Variants in SLC25A45 observed in about 807,000 individuals in gnomAD.
SLC25A45 encodes the protein methylated amino-acid transporter SLC25A45.
SLC25A45 carries 22 observed loss-of-function variants against 23.0 expected under a neutral mutation model. The observed-to-expected ratio is 0.95, with a 90% CI of 0.68 to 1.36. SLC25A45 has a LOEUF of 1.36. Among genes scored for constraint, SLC25A45 ranks in the 40% most tolerant of loss-of-function variants. The pLI, the probability that SLC25A45 is intolerant of heterozygous loss-of-function variation, is 0.00. For missense variants in SLC25A45, 355 were observed against 383.5 expected (o/e 0.93, Z 0.62); for synonymous variants, 136 against 155.0 (o/e 0.88, Z 0.91).
rs1855208285 is a variant in SLC25A45 at position 65,376,688 on chromosome 11, G to C, written c.599-13C>G. On this transcript the variant is annotated splice_polypyrimidine_tract_variant and intron_variant, in intron 6 of 6. Transcript: ENST00000398802. ...ACCGTGGCTGAGCCTGGGGCAGAGAGAGCCCAGAGCAGGGGTCAGACCCAG... is the reference window on the plus strand; with the variant it reads ...ACCGTGGCTGAGCCTGGGGCAGAGACAGCCCAGAGCAGGGGTCAGACCCAG... 3 of 1,613,846 alleles carry C rather than the reference G, an allele frequency of 1.9e-6. No individual in the cohort carries two copies. Among genetic ancestry groups the C allele is most frequent in the Non-Finnish European group, 8.5e-7 (1 of 1,180,000 alleles).
At chr11:65,381,756 C>T (rs1189234403) in intron 2 of SLC25A45, 159 bp downstream of exon 2, 4 of 830,464 alleles carry the variant, frequency 4.8e-6, no homozygotes, top group East Asian at 5.0e-5. Context: ...AGGGGCCTCC[C>T]TATGTTGCCC....
At position 65,380,298 on chromosome 11, in the gene SLC25A45, G is replaced by A. The variant is rs1219487344; in HGVS notation, c.38-123C>T. 6 of 1,400,320 alleles carry A rather than the reference G, an allele frequency of 4.3e-6. No individual in the cohort carries two copies. In the African/African-American group the frequency reaches 5.7e-5, roughly 13 times the overall value. 86.7% of individuals were successfully genotyped at this position (1,400,320 alleles called of 1,614,324 possible). On this transcript the variant is annotated intron_variant, in intron 2 of 6. Transcript: ENST00000398802. ...GAGAGCAGGGCCATCTCAGACACATGCAGCCACCTTCCTGCCAAGCTCTAG... is the reference window on the plus strand; with the variant it reads ...GAGAGCAGGGCCATCTCAGACACATACAGCCACCTTCCTGCCAAGCTCTAG...
rs895541516 is a variant in SLC25A45 at position 65,382,360 on chromosome 11, A to G, written c.-19+126T>C. 5 of 223,330 alleles carry G rather than the reference A, an allele frequency of 2.2e-5. No homozygotes were observed. The highest frequency in any genetic ancestry group is 4.6e-5 in the Non-Finnish European group (5 of 107,598). The allele number at this position is 223,330 out of a possible 1,614,324, so 13.8% of individuals were successfully genotyped here. Reference sequence around the variant, plus strand: ...CTCCCATTCATCTCCACCAAGGGGCATGGCCGCCCCCATGCCACAGAGAGA... The same window carrying G: ...CTCCCATTCATCTCCACCAAGGGGCGTGGCCGCCCCCATGCCACAGAGAGA... On this transcript the variant is annotated intron_variant, in intron 1 of 6. Transcript: ENST00000398802. The surrounding 1 kb of genome is among the most constrained non-coding windows in gnomAD (Gnocchi z 4.4).
At position 65,376,511 on chromosome 11, in the gene SLC25A45, G is replaced by A; in HGVS notation, c.763C>T (p.Leu255=). The change falls in exon 7 of 7, where the codon CTG becomes TTG. Residue 255 remains leucine (L), a synonymous_variant. Coordinates refer to ENST00000398802, the MANE Select transcript of SLC25A45 (RefSeq NM_182556.4). ...GTGACCCCCCGGAAGAAGACTCCCA[G>A]TCCTTCCTGCCGGATGCTGCTCACC... ...CMVSSIRQEG[L]GVFFRGVTIN... The A allele has an allele frequency of 6.2e-7, 1 of 1,614,212 alleles. No homozygotes were observed. The highest frequency in any genetic ancestry group is 8.5e-7 in the Non-Finnish European group (1 of 1,180,036).
At chr11:65,380,107 CCT>C (rs760933713) in intron 3 of SLC25A45, 23 bp downstream of exon 3, 2 of 1,609,642 alleles carry the variant, frequency 1.2e-6, no homozygotes, top group South Asian at 2.2e-5. Flanking sequence ...ATCTTTCATT[CCT>C]CTGGCAGCTC....
At chr11:65,383,304 A>G (rs1165237215), upstream of SLC25A45, 1 of 152,486 alleles carries the variant, frequency 6.6e-6, no homozygotes, top group Non-Finnish European at 1.5e-5. Context: ...GATTCGGGAA[A>G]CAGGACCTCC....
intron 5 of SLC25A45, 187 bp from the exon 6 acceptor site, chr11:65,377,263 A>C (rs931479450): frequency 1.4e-6 from 2 of 1,421,712 alleles, no homozygotes; most frequent in Admixed American, 3.0e-5. Context: ...CGACCGGGAC[A>C]GGCCACCTCC....
chr11:65,377,208 C>A, intron 5 of SLC25A45, 132 bp from the exon 6 acceptor site: 1 of 1,446,044 alleles, frequency 6.9e-7, no homozygotes, highest in Non-Finnish European at 9.1e-7. Flanking sequence ...CGGCACCCAG[C>A]CTCTCACGTG....
chr11:65,381,805 G>A (rs1855574269), intron 2 of SLC25A45, 110 bp downstream of exon 2: 3 of 1,387,406 alleles, frequency 2.2e-6, no homozygotes, highest in Non-Finnish European at 1.0e-6. Context: ...TGATCCTCCC[G>A]CCAGGCCGGA....
intron 2 of SLC25A45, chr11:65,380,589 AGAG>A: frequency 7.7e-7 from 1 of 1,296,428 alleles, no homozygotes; most frequent in Non-Finnish European, 1.0e-6. Context: ...GCCGGGATCC[AGAG>A]CAGGCCCTGC....
At chr11:65,380,415 G>T in intron 2 of SLC25A45, 3 of 940,698 alleles carry the variant, frequency 3.2e-6, no homozygotes, top group Non-Finnish European at 4.7e-6. Flanking sequence ...CCCACCTGAG[G>T]ATGCACACCC....
intron 3 of SLC25A45, 87 bp from the exon 4 acceptor site, chr11:65,380,025 A>C: frequency 6.3e-7 from 1 of 1,587,816 alleles, no homozygotes; most frequent in Non-Finnish European, 8.6e-7. Context: ...GATGCCAACC[A>C]GCAGGAGAGG....
intron 4 of SLC25A45, 58 bp from the exon 5 acceptor site, chr11:65,379,619 T>C: frequency 6.6e-7 from 1 of 1,514,622 alleles, no homozygotes; most frequent in South Asian, 1.3e-5. Context: ...CTTTGTCCTC[T>C]CCACCCCTGG....
intron 2 of SLC25A45, chr11:65,380,522 C>A: frequency 7.2e-7 from 1 of 1,385,810 alleles, no homozygotes; most frequent in Non-Finnish European, 9.5e-7. Context: ...GGAGAATCAC[C>A]CAGGTTCCCA....
chr11:65,380,481 T>G, intron 2 of SLC25A45: 127 of 1,255,962 alleles, frequency 1.0e-4, no homozygotes, highest in East Asian at 4.0e-4. Flanking sequence ...CATACCCGGG[T>G]ATCCCACCGC....
upstream of SLC25A45, chr11:65,383,484 G>C (rs1195075683): frequency 6.6e-6 from 1 of 152,424 alleles, no homozygotes; most frequent in East Asian, 1.9e-4. Context: ...CAGGCCAGGC[G>C]CAGTGGCTCA....
chr11:65,376,205 T>C lies in SLC25A45; in HGVS notation c.*202A>G, dbSNP rs1855158682. The C allele has an allele frequency of 3.2e-6, 2 of 623,912 alleles. No homozygotes were observed. The highest frequency in any genetic ancestry group is 2.8e-5 in the East Asian group (1 of 35,334). 38.6% of individuals were successfully genotyped at this position (623,912 alleles called of 1,614,324 possible). A position where few individuals can be genotyped will look rare whatever the true frequency, so the allele number is the denominator to read the frequency against. On this transcript the variant is annotated 3_prime_UTR_variant, in exon 7 of 7. Transcript: ENST00000398802. ...GGGAGGCAAAGGAGTCAAGGCCAGC[T>C]ACACAGGGAGGCTGCACAGGCCCCC...
chr11:65,377,431 G>A (rs992239677), intron 5 of SLC25A45: 81 of 1,088,670 alleles, frequency 7.4e-5, no homozygotes, highest in Non-Finnish European at 8.8e-5. Flanking sequence ...TACCTGTACG[G>A]TGGGCAGGGC....
In SLC25A45 at chr11:65,376,186, C is replaced by T; in HGVS notation, c.*221G>A. On this transcript the variant is annotated 3_prime_UTR_variant, in exon 7 of 7. Transcript: ENST00000398802. The stretch of plus-strand genomic sequence containing the variant: ...CTCCCTGTTTCACAGATGTGGGAGG[C>T]AAAGGAGTCAAGGCCAGCTACACAG... 1 of 601,922 alleles carries T rather than the reference C, an allele frequency of 1.7e-6. No individual in the cohort carries two copies. Among genetic ancestry groups the T allele is most frequent in the Non-Finnish European group, 2.9e-6 (1 of 342,378 alleles). 37.3% of individuals were successfully genotyped at this position (601,922 alleles called of 1,614,324 possible).
Sources: gnomAD v4.1 joint callset for allele counts on GRCh38, gnomAD v4.1.1 for gene constraint, Gnocchi (gnomAD v3.1) non-coding constraint, MANE v1.5 for transcripts, NCBI Gene and HGNC (gene_info 2026-07-23, HGNC 2026-07-21) for gene names.